Variants in A4GALT observed in about 807,000 individuals in gnomAD.
A4GALT encodes lactosylceramide 4-alpha-galactosyltransferase.
For missense variants in A4GALT, 512 were observed against 486.0 expected (o/e 1.05, Z -0.50); for synonymous variants, 257 against 220.7 (o/e 1.16, Z -1.46).
chr22:42,706,578 T>C (rs1309862364), intron 1 of A4GALT, among the ~76,000 whole-genome samples: 1 of 151,504 alleles, frequency 6.6e-6, no homozygotes, highest in Admixed American at 6.6e-5. Flanking sequence ...GTGGATCACC[T>C]GAGGTCAGGA....
intron 1 of A4GALT, among the ~76,000 whole-genome samples, chr22:42,696,700 T>A (rs1022378769): frequency 1.3e-5 from 2 of 151,776 alleles, no homozygotes; most frequent in African/African-American, 4.8e-5. Context: ...TACAAGTATA[T>A]CAGCCACGTC....
Position 42,693,771 on chromosome 22 carries a change from A to C in A4GALT, c.181T>G (p.Cys61Gly). The stretch of plus-strand genomic sequence containing the variant: ...GGGGTGGGGGGTGTCAAGGTGGGGC[A>C]GGGGATCTCTGCTGGCAGGTTATAG... ...QLYNLPAEIP[C>G]PTLTPPTPPS... Residue 61 changes from cysteine (C) to glycine (G), a missense_variant, in exon 3 of 3, where the codon TGC (cysteine) becomes GGC (glycine). Cys to Gly is a radical substitution (Grantham distance 159). Transcript: ENST00000642412. 6.3e-7 allele frequency: 1 copy of C among 1,599,804 alleles called. No homozygotes were observed. The highest frequency in any genetic ancestry group is 8.5e-7 in the Non-Finnish European group (1 of 1,172,242).
intron 1 of A4GALT, among the ~76,000 whole-genome samples, chr22:42,712,898 A>G (rs2073247846): frequency 6.6e-6 from 1 of 152,146 alleles, no homozygotes; most frequent in African/African-American, 2.4e-5. Context: ...ACTCCGTCTC[A>G]ATAAAACAAC....
intron 1 of A4GALT, among the ~76,000 whole-genome samples, chr22:42,707,548 C>T (rs896122273): frequency 6.6e-6 from 1 of 151,944 alleles, no homozygotes; most frequent in Admixed American, 6.6e-5. Flanking sequence ...TCCCAGCTAC[C>T]TCGGGAGGCT....
intron 1 of A4GALT, among the ~76,000 whole-genome samples, chr22:42,716,398 G>A (rs1922180067): frequency 6.6e-6 from 1 of 152,206 alleles, no homozygotes; most frequent in Non-Finnish European, 1.5e-5. Context: ...CTGGAGCTGT[G>A]TGGTTTAATA....
At chr22:42,699,095 CTTT>C (rs58488248) in intron 1 of A4GALT, among the ~76,000 whole-genome samples, 1 of 149,384 alleles carries the variant, frequency 6.7e-6, no homozygotes, top group Admixed American at 6.7e-5. Flanking sequence ...CCTTTACCTT[CTTT>C]TTTTTTTATG....
At chr22:42,704,525 A>G (rs996387497) in intron 1 of A4GALT, among the ~76,000 whole-genome samples, 10 of 151,928 alleles carry the variant, frequency 6.6e-5, no homozygotes, top group Non-Finnish European at 1.3e-4. Context: ...TTAAAAAAAA[A>G]AGAAGGGCTG....
chr22:42,720,871 G>A (rs1602037868), upstream of A4GALT: 1 of 147,128 alleles, frequency 6.8e-6, no homozygotes, highest in Non-Finnish European at 1.5e-5. Context: ...GGAGGGCAGT[G>A]CCTGGGGCCC....
chr22:42,707,784 T>TA (rs1446399970), intron 1 of A4GALT, among the ~76,000 whole-genome samples: 1 of 151,694 alleles, frequency 6.6e-6, no homozygotes, highest in Non-Finnish European at 1.5e-5. Context: ...ACAGAAAGGA[T>TA]AAAAATAAAT....
intron 1 of A4GALT, among the ~76,000 whole-genome samples, chr22:42,710,267 A>T (rs1237048738): frequency 6.6e-6 from 1 of 152,246 alleles, no homozygotes; most frequent in Non-Finnish European, 1.5e-5. Flanking sequence ...TTGAAAAAGT[A>T]AAAACTAAAG....
In A4GALT at chr22:42,693,475, G is replaced by C; in HGVS notation, c.477C>G (p.Tyr159Ter). 3 of 1,613,162 alleles carry C rather than the reference G, an allele frequency of 1.9e-6. No homozygotes were observed. Among genetic ancestry groups the C allele is most frequent in the Non-Finnish European group, 1.7e-6 (2 of 1,179,966 alleles). ...LFRDTPLADWYAAVQGRWEPY... is the reference protein window; with the variant it reads ...LFRDTPLADW The stretch of plus-strand genomic sequence containing the variant: ...GCTCCCAGCGCCCCTGCACGGCCGC[G>C]TACCAGTCGGCCAGGGGTGTGTCCC... Residue 159 changes from tyrosine to a stop codon, truncating the protein, a stop_gained, in exon 3 of 3, where the codon TAC becomes TAG. Coordinates refer to ENST00000642412, the MANE Select transcript of A4GALT (RefSeq NM_017436.7). LOFTEE classifies it low-confidence loss of function (END_TRUNC).
rs753030474 is a variant in A4GALT at position 42,693,682 on chromosome 22, G to A, written c.270C>T (p.Pro90=). The part of the protein sequence containing the change: ...FFLETSDRTN[P]NFLFMCSVES... ...CCACCGAGCACATGAACAGGAAGTTGGGGTTGGTCCGGTCTGAAGTCTCCA... is the reference window on the plus strand; with the variant it reads ...CCACCGAGCACATGAACAGGAAGTTAGGGTTGGTCCGGTCTGAAGTCTCCA... The change falls in exon 3 of 3, where the codon CCC becomes CCT. Residue 90 remains proline (P), a synonymous_variant. Coordinates refer to ENST00000642412, the MANE Select transcript of A4GALT (RefSeq NM_017436.7). The A allele has an allele frequency of 1.2e-6, 2 of 1,613,000 alleles. No homozygotes were observed. Among genetic ancestry groups the A allele is most frequent in the Admixed American group, 1.7e-5 (1 of 59,916 alleles).
At chr22:42,708,707 G>A (rs1283016106) in intron 1 of A4GALT, among the ~76,000 whole-genome samples, 1 of 152,142 alleles carries the variant, frequency 6.6e-6, no homozygotes, top group Non-Finnish European at 1.5e-5. Context: ...ATCAAGATAG[G>A]AGGGTGGGGA....
chr22:42,706,523 G>A lies in A4GALT; in HGVS notation c.-187-10892C>T, dbSNP rs1450298611. On this transcript the variant is annotated intron_variant, in intron 1 of 2. Coordinates refer to ENST00000642412, the MANE Select transcript of A4GALT (RefSeq NM_017436.7). ...TAAAAATATAAGAACAGCCGGGTGC[G>A]GTCGCTTACGCCTGTAATCTCAGCA... Among the ~76,000 whole-genome samples, 6 of 151,230 alleles carry A rather than the reference G, an allele frequency of 4.0e-5. No homozygotes were observed. In the South Asian group the frequency reaches 6.3e-4, roughly 16 times the overall value.
chr22:42,708,028 C>T (rs1921308848), intron 1 of A4GALT, among the ~76,000 whole-genome samples: 1 of 151,126 alleles, frequency 6.6e-6, no homozygotes, highest in Admixed American at 6.6e-5. Context: ...CTGAGCCAGG[C>T]AGATCACCTG....
rs532650440 is a variant in A4GALT at position 42,699,864 on chromosome 22, G to A, written c.-187-4233C>T. Among the ~76,000 whole-genome samples the A allele has an allele frequency of 3.3e-5, 5 of 152,336 alleles. No individual in the cohort carries two copies. In the East Asian group the frequency reaches 9.6e-4, roughly 29 times the overall value. On this transcript the variant is annotated intron_variant, in intron 1 of 2. Coordinates refer to ENST00000642412, the MANE Select transcript of A4GALT (RefSeq NM_017436.7). ...ACCATTCGAATGGCAGACTCAGGAA[G>A]CAGATGGCCCCCAGTGTGGGTGGGC...
chr22:42,699,411 T>C (rs1409371317), intron 1 of A4GALT, among the ~76,000 whole-genome samples: 4 of 152,178 alleles, frequency 2.6e-5, no homozygotes, highest in African/African-American at 9.7e-5. Context: ...AAACTTGCTT[T>C]CACTTTGCAC....
chr22:42,707,565 C>T (rs1385745285), intron 1 of A4GALT, among the ~76,000 whole-genome samples: 2 of 151,736 alleles, frequency 1.3e-5, no homozygotes, highest in Non-Finnish European at 2.9e-5. Context: ...GGCTGAGGCA[C>T]GAGAATTGCT....
intron 1 of A4GALT, among the ~76,000 whole-genome samples, chr22:42,710,852 T>C (rs1216057753): frequency 6.6e-6 from 1 of 151,728 alleles, no homozygotes; most frequent in African/African-American, 2.4e-5. Flanking sequence ...CAAAACCCTA[T>C]CTCTACTAAA....
Sources: gnomAD v4.1 joint callset for allele counts (sites outside exome capture counted in the v4.1 genomes callset) on GRCh38, gnomAD v4.1.1 for gene constraint, MANE v1.5 for transcripts, NCBI Gene and HGNC (gene_info 2026-07-23, HGNC 2026-07-21) for gene names.